Variants in PHF21B observed in about 807,000 individuals in gnomAD.
PHF21B encodes PHD finger protein 21B, also known as PHD finger protein 4.
In PHF21B, 22 loss-of-function variants were observed where a neutral mutation model predicts 62.2. The observed-to-expected ratio is 0.35, with a 90% confidence interval of 0.25 to 0.51. The LOEUF (loss-of-function observed/expected upper bound fraction) is 0.51. Ranked by LOEUF, PHF21B falls within the 20% of genes least tolerant of loss-of-function variation. The pLI, the probability that PHF21B is intolerant of heterozygous loss-of-function variation, is 0.97. For missense variants in PHF21B, 701 were observed against 707.9 expected, an observed-to-expected ratio of 0.99 and a Z score of 0.11; for synonymous variants, 341 against 314.7, an observed-to-expected ratio of 1.08 and a Z score of -0.88.
rs35793325 is a variant in PHF21B at position 44,933,115 on chromosome 22, C to CTTT, written c.121-12628_121-12626dup. 2.3e-4 allele frequency among the ~76,000 whole-genome samples: 32 copies of CTTT among 141,004 alleles called. 1 individual carries two copies. Among genetic ancestry groups the CTTT allele is most frequent in the Admixed American group, 7.1e-4 (10 of 14,100 alleles). 92.5% of individuals were successfully genotyped at this position (141,004 alleles called of 152,430 possible). A position where few individuals can be genotyped will look rare whatever the true frequency, so the allele number is the denominator to read the frequency against. ...AAACAGCTTCAGGTCTCTTCTATTT[C>CTTT]TTTTTTTTTTTTTTTGAGATGGAGT... is the stretch of plus-strand genomic sequence containing the variant. On this transcript the variant is annotated intron_variant, in intron 2 of 12. Coordinates refer to ENST00000313237, the MANE Select transcript of PHF21B (RefSeq NM_138415.5).
At chr22:44,921,094 C>A (rs2071526681) in intron 2 of PHF21B, among the ~76,000 whole-genome samples, 1 of 152,222 alleles carries the variant, frequency 6.6e-6, no homozygotes, top group South Asian at 2.1e-4. Flanking sequence ...GCACTGGGTC[C>A]CTCAGGAGGG....
At chr22:44,895,381 C>T (rs544832136) in intron 6 of PHF21B, among the ~76,000 whole-genome samples, 3 of 152,276 alleles carry the variant, frequency 2.0e-5, no homozygotes, top group South Asian at 4.1e-4. Context: ...TGCCCTCATC[C>T]GTAAGGTCAC....
rs190982944 is a variant in PHF21B, at chr22:44,974,369, G to A, written c.120+34176C>T. Among the ~76,000 whole-genome samples, 107 of 150,268 alleles carry A rather than the reference G, an allele frequency of 7.1e-4. No individual in the cohort carries two copies. In the East Asian group the frequency reaches 0.019, roughly 27 times the overall value. Reference sequence around the variant, plus strand: ...GTTGAGACTGCAGTGAGCCATGATCGCACCACTGCACTCCAGCCTGGGCGA... The same window carrying A: ...GTTGAGACTGCAGTGAGCCATGATCACACCACTGCACTCCAGCCTGGGCGA... On this transcript the variant is annotated intron_variant, in intron 2 of 12. Coordinates refer to ENST00000313237, the MANE Select transcript of PHF21B (RefSeq NM_138415.5).
chr22:44,987,013 C>T (rs1392514354), intron 2 of PHF21B, among the ~76,000 whole-genome samples: 1 of 152,162 alleles, frequency 6.6e-6, no homozygotes, highest in Non-Finnish European at 1.5e-5. Context: ...ATTCATACCT[C>T]GAGAGAGGCT....
intron 2 of PHF21B, among the ~76,000 whole-genome samples, chr22:44,928,015 G>A (rs983976802): frequency 2.6e-5 from 4 of 152,192 alleles, no homozygotes; most frequent in African/African-American, 7.2e-5. Context: ...GAGACAGCGG[G>A]AAGGAGACAG....
In PHF21B at chr22:44,882,649, T is replaced by G; in HGVS notation, c.*437A>C. The G allele has an allele frequency of 6.4e-6, 1 of 156,734 alleles. No homozygotes were observed. The highest frequency in any genetic ancestry group is 1.4e-5 in the Non-Finnish European group (1 of 72,340). The allele number at this position is 156,734 out of a possible 1,614,324, so 9.7% of individuals were successfully genotyped here. On this transcript the variant is annotated 3_prime_UTR_variant, in exon 13 of 13. Transcript: ENST00000313237. ...CTACCGCTACCACTCAGCTAGTCCA[T>G]GTGTTCTCAGCTCGCCCTCCCACAG...
chr22:45,007,234 A>G (rs1400569957), intron 2 of PHF21B, among the ~76,000 whole-genome samples: 1 of 149,612 alleles, frequency 6.7e-6, no homozygotes, highest in African/African-American at 2.5e-5. Context: ...CCCCCCCCAA[A>G]ACCCGCCACT....
At position 45,009,229 on chromosome 22, in the gene PHF21B, A is replaced by G; in HGVS notation, c.54+267T>C. 1 of 458,872 alleles carries G rather than the reference A, an allele frequency of 2.2e-6. No individual in the cohort carries two copies. The highest frequency in any genetic ancestry group is 4.0e-5 in the South Asian group (1 of 25,288). 28.4% of individuals were successfully genotyped at this position (458,872 alleles called of 1,614,324 possible). On this transcript the variant is annotated intron_variant, in intron 1 of 12. Transcript: ENST00000313237. This position sits in a 1 kb window ranked among gnomAD's most constrained non-coding sequence, Gnocchi z 5.9. ...CCTCCAGGCACCCTCCCAGTCATGCAGACCCTACATCGCTTAAGAGAAGAC... is the reference window on the plus strand; with the variant it reads ...CCTCCAGGCACCCTCCCAGTCATGCGGACCCTACATCGCTTAAGAGAAGAC...
At position 44,914,719 on chromosome 22, in the gene PHF21B, A is replaced by AG. The variant is rs764182946; in HGVS notation, c.565-632dup. ...CTCACGTGGTGGATGGGGAAGGGGA[A>AG]GGGGGTCTTCAGATGCCACCCTGCA... On this transcript the variant is annotated intron_variant, in intron 4 of 12. Transcript: ENST00000313237. Among the ~76,000 whole-genome samples, 154 of 152,268 alleles carry AG rather than the reference A, an allele frequency of 1.0e-3. 1 individual carries two copies. Among genetic ancestry groups the AG allele is most frequent in the Middle Eastern group, 3.4e-3 (1 of 294 alleles).
At chr22:44,974,354 C>A (rs1317764503) in intron 2 of PHF21B, among the ~76,000 whole-genome samples, 1 of 150,854 alleles carries the variant, frequency 6.6e-6, no homozygotes, top group Non-Finnish European at 1.5e-5. Flanking sequence ...GTTGAGACTG[C>A]AGTGAGCCAT....
In PHF21B at chr22:44,922,539, G is replaced by A. The variant is rs562337734; in HGVS notation, c.121-2049C>T. 3.2e-4 allele frequency among the ~76,000 whole-genome samples: 48 copies of A among 152,146 alleles called. 1 individual carries two copies. The highest frequency in any genetic ancestry group is 2.8e-3 in the Admixed American group (43 of 15,292). On this transcript the variant is annotated intron_variant, in intron 2 of 12. Coordinates refer to ENST00000313237, the MANE Select transcript of PHF21B (RefSeq NM_138415.5). ...CCCAGCTATTCAGGAGGCTGAGGCA[G>A]GAGAATCGCTTGAACCTGGGAGGTG...
intron 2 of PHF21B, among the ~76,000 whole-genome samples, chr22:44,994,374 G>A (rs958317351): frequency 2.6e-5 from 4 of 152,230 alleles, no homozygotes; most frequent in Non-Finnish European, 5.9e-5. Context: ...ACAGCCAGGT[G>A]TAGACAGAGG....
intron 2 of PHF21B, among the ~76,000 whole-genome samples, chr22:44,947,989 T>TCCCTCCTCCCCGCTGTTGG: frequency 6.6e-6 from 1 of 151,522 alleles, no homozygotes; most frequent in Admixed American, 6.6e-5. Context: ...CCCGCTGTTG[T>TCCCTCCTCCCCGCTGTTGG]CCCTCCTCCC....
chr22:44,960,563 CTG>C (rs2072397996), intron 2 of PHF21B, among the ~76,000 whole-genome samples: 1 of 152,226 alleles, frequency 6.6e-6, no homozygotes, highest in Non-Finnish European at 1.5e-5. Flanking sequence ...GTGATAGTCA[CTG>C]TGTCAACTGG....
In PHF21B at chr22:44,936,870, C is replaced by CTTTTT. The variant is rs370585353; in HGVS notation, c.121-16385_121-16381dup. On this transcript the variant is annotated intron_variant, in intron 2 of 12. Coordinates refer to ENST00000313237, the MANE Select transcript of PHF21B (RefSeq NM_138415.5). ...AAAGTTGTGGACATCCACTTTCTTT[C>CTTTTT]TTTTTTTTTTTTTTTTCCTGAGATG... Among the ~76,000 whole-genome samples the CTTTTT allele has an allele frequency of 3.0e-3, 385 of 128,050 alleles. 1 individual carries two copies. Among genetic ancestry groups the CTTTTT allele is most frequent in the Non-Finnish European group, 3.9e-3 (242 of 61,536 alleles). The allele number at this position is 128,050 out of a possible 152,430, so 84.0% of individuals were successfully genotyped here.
intron 11 of PHF21B, 121 bp downstream of exon 11, chr22:44,885,742 G>A (rs2070845761): frequency 2.6e-6 from 3 of 1,163,354 alleles, no homozygotes; most frequent in Non-Finnish European, 3.7e-6. Flanking sequence ...CCACTTTTCA[G>A]TGCTCTGGCC....
At chr22:44,907,166 T>G (rs575382648) in intron 5 of PHF21B, among the ~76,000 whole-genome samples, 3 of 152,238 alleles carry the variant, frequency 2.0e-5, no homozygotes, top group Non-Finnish European at 4.4e-5. Context: ...AGTCTGACAG[T>G]GGCCCCGCCC....
intron 2 of PHF21B, among the ~76,000 whole-genome samples, chr22:44,983,297 C>T (rs1466504985): frequency 6.6e-6 from 1 of 151,988 alleles, no homozygotes; most frequent in African/African-American, 2.4e-5. Context: ...AACGGGAAAG[C>T]GAGTTGGGCT....
intron 2 of PHF21B, among the ~76,000 whole-genome samples, chr22:44,921,963 T>A (rs1452726619): frequency 2.0e-5 from 3 of 152,108 alleles, no homozygotes; most frequent in African/African-American, 7.2e-5. Flanking sequence ...CCGGTCCTGA[T>A]GGAGCAGTTC....
Sources: gnomAD v4.1 joint callset for allele counts (sites outside exome capture counted in the v4.1 genomes callset) on GRCh38, gnomAD v4.1.1 for gene constraint, Gnocchi (gnomAD v3.1) non-coding constraint, MANE v1.5 for transcripts, NCBI Gene and HGNC (gene_info 2026-07-23, HGNC 2026-07-21) for gene names.